Variants in USP28 observed in about 807,000 individuals in gnomAD.
The protein encoded by USP28 is ubiquitin carboxyl-terminal hydrolase 28.
A neutral mutation model predicts 145.0 loss-of-function variants in USP28; 113 were observed. The ratio of observed to expected loss-of-function variants is 0.78; its 90% CI spans 0.67 to 0.91. The LOEUF is 0.91. USP28 is among the 40% of genes least tolerant of loss of function. The pLI is 0.00. For missense variants in USP28, 1,201 were observed against 1,289.6 expected (o/e 0.93, Z 1.05); for synonymous variants, 447 against 450.9 (o/e 0.99, Z 0.11).
At chr11:113,799,205 C>A (rs1938471572) in exon 25 of USP28, 1 of 1,590,186 alleles carries the variant, frequency 6.3e-7, no homozygotes, top group South Asian at 1.2e-5. Flanking sequence ...AGGCAGGCAG[C>A]CAGGAACCAG....
chr11:113,872,253 G>A (rs997249902), intron 1 of USP28, among the ~76,000 whole-genome samples: 2 of 152,162 alleles, frequency 1.3e-5, no homozygotes, highest in East Asian at 1.9e-4. Context: ...TTTGCAGACC[G>A]AGGCGGGCGG....
chr11:113,873,486 A>G (rs1414774079), intron 1 of USP28, among the ~76,000 whole-genome samples: 1 of 152,196 alleles, frequency 6.6e-6, no homozygotes, highest in Non-Finnish European at 1.5e-5. Flanking sequence ...CACAGTCTCA[A>G]ACGGAGAATG....
intron 24 of USP28, among the ~76,000 whole-genome samples, chr11:113,800,195 C>G (rs945453379): frequency 6.6e-6 from 1 of 152,020 alleles, no homozygotes; most frequent in Non-Finnish European, 1.5e-5. Flanking sequence ...TTAGTAGAGA[C>G]GGGGTTTCAC....
chr11:113,823,005 T>C (rs1402872030), intron 12 of USP28, among the ~76,000 whole-genome samples: 1 of 152,180 alleles, frequency 6.6e-6, no homozygotes, highest in Non-Finnish European at 1.5e-5. Context: ...GTATGGGATC[T>C]CTTTCTTAAG....
At chr11:113,819,620 T>G (rs568620730) in intron 12 of USP28, among the ~76,000 whole-genome samples, 2 of 152,358 alleles carry the variant, frequency 1.3e-5, no homozygotes, top group South Asian at 4.1e-4. Context: ...AAATAAAATC[T>G]GAAATTTATA....
At chr11:113,823,651 G>T (rs1389829322) in exon 12 of USP28, 2 of 1,611,252 alleles carry the variant, frequency 1.2e-6, no homozygotes, top group East Asian at 2.2e-5. Flanking sequence ...TTCAACTTTC[G>T]AATACACTCT....
intron 1 of USP28, among the ~76,000 whole-genome samples, chr11:113,864,608 T>C (rs1278468635): frequency 2.0e-5 from 3 of 152,264 alleles, no homozygotes; most frequent in Non-Finnish European, 2.9e-5. Context: ...GGAAAATCAA[T>C]GTCCCAGCTC....
chr11:113,801,729 A>C lies in USP28; in HGVS notation c.2863-51T>G, dbSNP rs751491832. On this transcript the variant is annotated intron_variant, in intron 23 of 24. Coordinates refer to ENST00000003302, the Ensembl canonical transcript of USP28. ...GGGGAAGAGTCTGAAAAAGATAAATATCTCTTTAATAACAGTCTAAACAAG... is the reference window on the plus strand; with the variant it reads ...GGGGAAGAGTCTGAAAAAGATAAATCTCTCTTTAATAACAGTCTAAACAAG... The C allele has an allele frequency of 3.1e-5, 45 of 1,452,558 alleles. No individual in the cohort carries two copies. The Admixed American group carries it at 8.1e-4, about 26-fold the overall frequency. The allele number at this position is 1,452,558 out of a possible 1,614,324, so 90.0% of individuals were successfully genotyped here.
chr11:113,817,675 G>C (rs761010668), exon 13 of USP28: 1 of 1,613,644 alleles, frequency 6.2e-7, no homozygotes, highest in Non-Finnish European at 8.5e-7. Context: ...TGGATGTCTG[G>C]TCAGAAACCG....
intron 1 of USP28, among the ~76,000 whole-genome samples, chr11:113,863,872 G>C (rs1947982521): frequency 6.6e-6 from 1 of 151,012 alleles, no homozygotes; most frequent in Non-Finnish European, 1.5e-5. Flanking sequence ...ATGAACCCGG[G>C]AGGCGGAGCT....
In USP28 at chr11:113,831,065, T is replaced by G. The variant is rs190747677; in HGVS notation, c.834-122A>C. 47 of 888,014 alleles carry G rather than the reference T, an allele frequency of 5.3e-5. No individual in the cohort carries two copies. The East Asian group carries it at 1.1e-3, about 21-fold the overall frequency. 55.0% of individuals were successfully genotyped at this position (888,014 alleles called of 1,614,324 possible). A position where few individuals can be genotyped will look rare whatever the true frequency, so the allele number is the denominator to read the frequency against. ...TCATCAACCCCCAAAGAGCCAGGTA[T>G]GATCTAAATAAGTAACAATTAGTTC... is the stretch of plus-strand genomic sequence containing the variant. On this transcript the variant is annotated intron_variant, in intron 8 of 24. Transcript: ENST00000003302.
At chr11:113,819,220 G>C (rs918296707) in intron 12 of USP28, among the ~76,000 whole-genome samples, 38 of 150,764 alleles carry the variant, frequency 2.5e-4, no homozygotes, top group African/African-American at 9.3e-4. Flanking sequence ...TCAAGCAATT[G>C]TCCTGCCTCA....
chr11:113,871,820 G>A (rs1304080765), intron 1 of USP28, among the ~76,000 whole-genome samples: 1 of 152,186 alleles, frequency 6.6e-6, no homozygotes, highest in African/African-American at 2.4e-5. Context: ...CATTAGGAGA[G>A]TTCTAGAAAA....
At chr11:113,841,832 G>A (rs1199410349) in intron 3 of USP28, 64 bp from the exon 4 acceptor site, 99 of 1,160,222 alleles carry the variant, frequency 8.5e-5, no homozygotes, top group Non-Finnish European at 1.2e-4. Flanking sequence ...TGTAATATAA[G>A]AAAAAGGTAA....
At chr11:113,803,408 C>T (rs1488752929) in intron 22 of USP28, 127 bp from the exon 24 acceptor site, 4 of 1,068,272 alleles carry the variant, frequency 3.7e-6, no homozygotes, top group Non-Finnish European at 5.2e-6. Context: ...GACCAAAGAC[C>T]GTAGCCAGTC....
chr11:113,854,350 C>T lies in USP28; in HGVS notation c.58-15G>A, dbSNP rs1330685193. ...ATTTGGCAGCTCTATATTTGCAAAA[C>T]AAAAAAACCACAAACATGTCAGTCA... On this transcript the variant is annotated splice_polypyrimidine_tract_variant and intron_variant, in intron 1 of 24. Transcript: ENST00000003302. The T allele has an allele frequency of 3.1e-6, 5 of 1,605,748 alleles. No individual in the cohort carries two copies. The highest frequency in any genetic ancestry group is 2.7e-5 in the African/African-American group (2 of 72,870).
At chr11:113,843,703 T>G (rs982219364) in intron 3 of USP28, among the ~76,000 whole-genome samples, 1 of 151,296 alleles carries the variant, frequency 6.6e-6, no homozygotes, top group African/African-American at 2.4e-5. Context: ...AAAAAAAAAT[T>G]TTTTTAATAA....
At chr11:113,810,413 G>C (rs1940788331) in intron 16 of USP28, among the ~76,000 whole-genome samples, 1 of 152,116 alleles carries the variant, frequency 6.6e-6, no homozygotes, top group Non-Finnish European at 1.5e-5. Flanking sequence ...TCACTTACTG[G>C]TTGCCATTAA....
At chr11:113,859,881 C>A (rs1402650733) in intron 1 of USP28, among the ~76,000 whole-genome samples, 2 of 152,054 alleles carry the variant, frequency 1.3e-5, no homozygotes, top group Non-Finnish European at 2.9e-5. Context: ...CCTTTTCTTG[C>A]CCAGAGGCAG....
Sources: allele counts gnomAD v4.1 joint callset (sites outside exome capture counted in the v4.1 genomes callset), GRCh38; gene constraint gnomAD v4.1.1; transcripts MANE v1.5; gene names NCBI Gene and HGNC (gene_info 2026-07-23, HGNC 2026-07-21).